The following SMYD2 variants were observed in gnomAD, a reference collection of about 807,000 sequenced individuals.
SMYD2 encodes the protein SET and MYND domain containing 2.
In SMYD2, 53 loss-of-function variants were observed where a neutral mutation model predicts 59.1. The ratio of observed to expected loss-of-function variants is 0.90; its 90% CI spans 0.72 to 1.13. The LOEUF (loss-of-function observed/expected upper bound fraction) is 1.13, where lower values mean the gene tolerates loss of function less well. Among genes scored for constraint, SMYD2 ranks in the 50% most tolerant of loss-of-function variants. The probability of loss-of-function intolerance (pLI) is 0.00; values close to 1 mark genes in which losing one functional copy is unlikely to be tolerated. For missense variants in SMYD2, 494 were observed against 544.7 expected (o/e 0.91, Z 0.93); for synonymous variants, 208 against 198.8 (o/e 1.05, Z -0.39).
At chr1:214,307,429 A>C (rs1370277159) in intron 2 of SMYD2, among the ~76,000 whole-genome samples, 2 of 152,234 alleles carry the variant, frequency 1.3e-5, no homozygotes, top group African/African-American at 4.8e-5. Flanking sequence ...AATAAACAGC[A>C]TAGTTTTGAT....
intron 2 of SMYD2, among the ~76,000 whole-genome samples, chr1:214,313,841 C>T (rs907367582): frequency 6.6e-5 from 10 of 152,100 alleles, no homozygotes; most frequent in African/African-American, 2.4e-4. Context: ...ATCCTTCATC[C>T]CTCTACCCGG....
intron 3 of SMYD2, 118 bp downstream of exon 3, chr1:214,314,990 C>T: frequency 1.3e-6 from 1 of 741,228 alleles, no homozygotes; most frequent in Non-Finnish European, 2.3e-6. Flanking sequence ...GACTACATTT[C>T]CTATCATATC....
intron 1 of SMYD2, among the ~76,000 whole-genome samples, chr1:214,291,934 TG>T (rs1436953157): frequency 6.6e-6 from 1 of 151,284 alleles, no homozygotes; most frequent in Non-Finnish European, 1.5e-5. Flanking sequence ...TTAGGGTTTT[TG>T]TTTGTTTGTT....
At chr1:214,321,161 G>A (rs7538203) in intron 5 of SMYD2, among the ~76,000 whole-genome samples, 1 of 152,002 alleles carries the variant, frequency 6.6e-6, no homozygotes, top group African/African-American at 2.4e-5. Flanking sequence ...CTCACAAGTA[G>A]AAGTATATTT....
At chr1:214,324,793 A>G in intron 6 of SMYD2, 85 bp downstream of exon 6, 1 of 1,203,396 alleles carries the variant, frequency 8.3e-7, no homozygotes, top group East Asian at 2.4e-5. Context: ...TAACCCACCT[A>G]ACTGCATGTG....
intron 6 of SMYD2, 96 bp from the exon 7 acceptor site, chr1:214,327,526 G>C: frequency 2.0e-6 from 2 of 991,918 alleles, no homozygotes; most frequent in Non-Finnish European, 3.2e-6. Context: ...GTCTTGCAAA[G>C]ATTCAGTTCC....
At chr1:214,326,620 C>G (rs889574993) in intron 6 of SMYD2, among the ~76,000 whole-genome samples, 2 of 152,166 alleles carry the variant, frequency 1.3e-5, no homozygotes, top group East Asian at 3.9e-4. Flanking sequence ...ACATACTTTG[C>G]TTAGGCCTTT....
intron 3 of SMYD2, 89 bp from the exon 4 acceptor site, chr1:214,317,990 C>T: frequency 2.5e-6 from 3 of 1,193,782 alleles, no homozygotes; most frequent in Admixed American, 3.7e-5. Flanking sequence ...GTTACTTTTT[C>T]TTTATGTTGA....
intron 1 of SMYD2, among the ~76,000 whole-genome samples, chr1:214,285,224 A>C (rs960514290): frequency 2.6e-5 from 4 of 152,214 alleles, no homozygotes; most frequent in Admixed American, 1.3e-4. Context: ...TTTATTCTCT[A>C]GCGTATTCAT....
At chr1:214,285,600 A>T (rs867248314) in intron 1 of SMYD2, among the ~76,000 whole-genome samples, 1 of 152,272 alleles carries the variant, frequency 6.6e-6, no homozygotes, top group Non-Finnish European at 1.5e-5. Flanking sequence ...ATTTCCTGTA[A>T]AAAGTGCCAT....
At chr1:214,319,595 A>G (rs1657137997) in intron 5 of SMYD2, among the ~76,000 whole-genome samples, 2 of 152,216 alleles carry the variant, frequency 1.3e-5, no homozygotes, top group African/African-American at 4.8e-5. Context: ...AGCTTTGGAA[A>G]CTAGGCCACT....
chr1:214,299,230 G>A (rs1311478403), intron 1 of SMYD2, among the ~76,000 whole-genome samples: 2 of 152,082 alleles, frequency 1.3e-5, no homozygotes, highest in African/African-American at 4.8e-5. Context: ...ACTGTTGGTG[G>A]GAATATAAAT....
chr1:214,316,592 A>G (rs1657089347), intron 3 of SMYD2, among the ~76,000 whole-genome samples: 1 of 152,136 alleles, frequency 6.6e-6, no homozygotes, highest in Non-Finnish European at 1.5e-5. Flanking sequence ...ATCTAAGCCA[A>G]ATGTGATGGA....
intron 1 of SMYD2, among the ~76,000 whole-genome samples, chr1:214,303,274 C>T (rs1027820573): frequency 6.6e-6 from 1 of 152,234 alleles, no homozygotes; most frequent in Non-Finnish European, 1.5e-5. Context: ...CTCCCTGGCT[C>T]TGCTGTCTTT....
chr1:214,282,589 A>T (rs1430444914), intron 1 of SMYD2, among the ~76,000 whole-genome samples: 5 of 152,262 alleles, frequency 3.3e-5, no homozygotes, highest in Non-Finnish European at 7.3e-5. Context: ...AGTCCAGCAT[A>T]CTCAATCTCT....
In SMYD2 at chr1:214,337,058, T is replaced by C; in HGVS notation, c.*274T>C. ...GACAGACAGAGTTTTAAAAATGGAA[T>C]TATTTTTTCTTTCATGCCTCTTGTA... On this transcript the variant is annotated 3_prime_UTR_variant, in exon 12 of 12. Coordinates refer to ENST00000366957, the MANE Select transcript of SMYD2 (RefSeq NM_020197.3). 3.3e-6 allele frequency: 1 copy of C among 301,226 alleles called. No individual in the cohort carries two copies. The highest frequency in any genetic ancestry group is 6.1e-6 in the Non-Finnish European group (1 of 164,332). 18.7% of individuals were successfully genotyped at this position (301,226 alleles called of 1,614,324 possible). A position where few individuals can be genotyped will look rare whatever the true frequency, so the allele number is the denominator to read the frequency against.
chr1:214,314,353 CTGACG>C (rs1258852936), intron 2 of SMYD2, among the ~76,000 whole-genome samples: 1 of 152,106 alleles, frequency 6.6e-6, no homozygotes, highest in Non-Finnish European at 1.5e-5. Flanking sequence ...ATTATTTGCC[CTGACG>C]TGAGAACAAA....
At chr1:214,297,158 T>G (rs1324284012) in intron 1 of SMYD2, among the ~76,000 whole-genome samples, 1 of 152,124 alleles carries the variant, frequency 6.6e-6, no homozygotes, top group Non-Finnish European at 1.5e-5. Context: ...TCCTGGGAGC[T>G]TTCTAAAAGT....
At chr1:214,310,937 G>A (rs1410640033) in intron 2 of SMYD2, among the ~76,000 whole-genome samples, 1 of 152,102 alleles carries the variant, frequency 6.6e-6, no homozygotes, top group African/African-American at 2.4e-5. Context: ...AAGCTGTGCA[G>A]TGCCATTGTG....
Sources: gnomAD v4.1 joint callset for allele counts (sites outside exome capture counted in the v4.1 genomes callset) on GRCh38, gnomAD v4.1.1 for gene constraint, MANE v1.5 for transcripts, NCBI Gene and HGNC (gene_info 2026-07-23, HGNC 2026-07-21) for gene names.